BCAS4: variants seen among roughly 807,000 people sequenced by gnomAD.
BCAS4 encodes the protein breast carcinoma-amplified sequence 4.
A neutral mutation model predicts 15.7 loss-of-function variants in BCAS4; 9 were observed. The observed-to-expected ratio is 0.57, with a 90% CI of 0.34 to 1.00. BCAS4 has a LOEUF of 1.00. Among genes scored for constraint, BCAS4 ranks in the 50% least tolerant of loss-of-function variants. The probability of loss-of-function intolerance (pLI) is 0.02; values close to 1 mark genes in which losing one functional copy is unlikely to be tolerated. For synonymous variants in BCAS4, 101 were observed against 99.5 expected (o/e 1.02, Z -0.09); for missense variants, 225 against 239.1 (o/e 0.94, Z 0.39).
At chr20:50,848,681 T>C (rs527597599) in intron 4 of BCAS4, among the ~76,000 whole-genome samples, 1 of 152,232 alleles carries the variant, frequency 6.6e-6, no homozygotes, top group African/African-American at 2.4e-5. Flanking sequence ...GCATTCGGGG[T>C]CTGTGACGTC....
intron 4 of BCAS4, among the ~76,000 whole-genome samples, chr20:50,868,409 T>A (rs1230554174): frequency 2.0e-5 from 3 of 152,200 alleles, no homozygotes; most frequent in African/African-American, 7.2e-5. Flanking sequence ...AGTTGTCAAT[T>A]CTTGGGTGAT....
intron 1 of BCAS4, among the ~76,000 whole-genome samples, chr20:50,808,010 C>T (rs1452618375): frequency 4.6e-5 from 7 of 151,396 alleles, no homozygotes; most frequent in Admixed American, 4.6e-4. Context: ...TGGGTTCACG[C>T]GATTCTCCTG....
chr20:50,871,312 A>C (rs8116001), intron 4 of BCAS4, among the ~76,000 whole-genome samples: 72,118 of 152,054 alleles, frequency 0.47, 20,580 homozygotes, highest in African/African-American at 0.82. Flanking sequence ...AACGGGTGTG[A>C]AAGTGGTTTC....
At chr20:50,870,035 C>T (rs2122677259) in intron 4 of BCAS4, among the ~76,000 whole-genome samples, 1 of 152,276 alleles carries the variant, frequency 6.6e-6, no homozygotes, top group East Asian at 1.9e-4. Flanking sequence ...AGGCATGAGC[C>T]ATCACACCCA....
intron 3 of BCAS4, among the ~76,000 whole-genome samples, chr20:50,840,227 CTTT>C (rs1206042519): frequency 6.6e-6 from 1 of 152,072 alleles, no homozygotes. Flanking sequence ...AGTTTTTAAA[CTTT>C]TTATTTGCAT....
chr20:50,855,723 G>A (rs552865226), intron 4 of BCAS4, among the ~76,000 whole-genome samples: 12 of 152,238 alleles, frequency 7.9e-5, no homozygotes, highest in Admixed American at 5.2e-4. Context: ...GCATAAGTGC[G>A]CCCACAGGAG....
intron 2 of BCAS4, among the ~76,000 whole-genome samples, chr20:50,827,461 C>A (rs1416103683): frequency 6.6e-6 from 1 of 152,218 alleles, no homozygotes; most frequent in African/African-American, 2.4e-5. Context: ...TTCCCCCTTT[C>A]CAGACCCATT....
At chr20:50,795,790 C>A (rs75067351) in intron 1 of BCAS4, among the ~76,000 whole-genome samples, 8,805 of 152,288 alleles carry the variant, frequency 0.058, 411 homozygotes, top group African/African-American at 0.12. Context: ...GAGTATTTAA[C>A]ATAAAGGCTA....
chr20:50,808,907 T>C (rs1319310138), intron 1 of BCAS4, among the ~76,000 whole-genome samples: 1 of 152,228 alleles, frequency 6.6e-6, no homozygotes, highest in Admixed American at 6.5e-5. Context: ...AGTCTTTGCC[T>C]AAGCCAATCT....
intron 4 of BCAS4, among the ~76,000 whole-genome samples, chr20:50,853,311 AT>A (rs1978548364): frequency 6.6e-6 from 1 of 151,470 alleles, no homozygotes; most frequent in African/African-American, 2.4e-5. Context: ...TGCCCAGCTA[AT>A]TTTTGTATTT....
chr20:50,801,172 A>G (rs2087922097), intron 1 of BCAS4, among the ~76,000 whole-genome samples: 1 of 151,986 alleles, frequency 6.6e-6, no homozygotes, highest in African/African-American at 2.4e-5. Flanking sequence ...CATGCCTGTA[A>G]TTCTAGCACT....
chr20:50,849,057 C>T (rs1015989550), intron 4 of BCAS4, among the ~76,000 whole-genome samples: 1 of 152,258 alleles, frequency 6.6e-6, no homozygotes, highest in African/African-American at 2.4e-5. Context: ...ACAGAGGCCA[C>T]AGCAGGTGTC....
At chr20:50,857,889 C>T (rs1978850882) in intron 4 of BCAS4, among the ~76,000 whole-genome samples, 1 of 152,184 alleles carries the variant, frequency 6.6e-6, no homozygotes, top group African/African-American at 2.4e-5. Flanking sequence ...GCTCAGCCAG[C>T]AGGATGTTCT....
chr20:50,838,311 G>T (rs556478967), intron 3 of BCAS4, among the ~76,000 whole-genome samples: 3 of 152,332 alleles, frequency 2.0e-5, no homozygotes, highest in Admixed American at 6.5e-5. Flanking sequence ...GAATAGATAA[G>T]AATTTCAGAG....
intron 1 of BCAS4, among the ~76,000 whole-genome samples, chr20:50,806,862 C>CTTTT (rs34670373): frequency 7.2e-5 from 6 of 83,354 alleles, no homozygotes; most frequent in Non-Finnish European, 1.3e-4. Context: ...TCCATTTATA[C>CTTTT]TTTTTTTTTT....
rs769546070 is a variant in BCAS4 at position 50,841,781 on chromosome 20, GT to G, written c.282del (p.Gly95AspfsTer47). The G allele has an allele frequency of 1.0e-4, 163 of 1,613,880 alleles. No homozygotes were observed. The highest frequency in any genetic ancestry group is 1.1e-4 in the Non-Finnish European group (130 of 1,180,020). ...TGTCCCTCAGGCCTTCGTCAAGATG[GT>G]TGGACACCACGTCGCCTTCCTGGAA... is the stretch of plus-strand genomic sequence containing the variant. Reference protein sequence around the residue: ...VDRLEAFVKMVGHHVAFLEAD... With the variant: ...VDRLEAFVKMXGHHVAFLEAD... On this transcript the variant is annotated frameshift_variant, in exon 4 of 5. Coordinates refer to ENST00000371608, the MANE Select transcript of BCAS4 (RefSeq NM_198799.4). LOFTEE classifies it high-confidence loss of function.
intron 4 of BCAS4, among the ~76,000 whole-genome samples, chr20:50,870,248 A>C (rs1324036886): frequency 6.6e-6 from 1 of 152,224 alleles, no homozygotes; most frequent in East Asian, 1.9e-4. Context: ...AGGCAGGGTC[A>C]GGGATGTGCG....
intron 4 of BCAS4, chr20:50,876,003 T>C (rs1979915120): frequency 2.2e-6 from 1 of 456,186 alleles, no homozygotes; most frequent in Non-Finnish European, 4.4e-6. Context: ...CTAGGTGGAG[T>C]GCAGTGGCAC....
chr20:50,809,827 G>T (rs1264405781), intron 1 of BCAS4, among the ~76,000 whole-genome samples: 1 of 152,080 alleles, frequency 6.6e-6, no homozygotes, highest in East Asian at 1.9e-4. Flanking sequence ...TCACCTCCTG[G>T]GTTAGGTATA....
Sources: gnomAD v4.1 joint callset for allele counts (sites outside exome capture counted in the v4.1 genomes callset) on GRCh38, gnomAD v4.1.1 for gene constraint, MANE v1.5 for transcripts, NCBI Gene and HGNC (gene_info 2026-07-23, HGNC 2026-07-21) for gene names.